NRG3: variants seen among roughly 807,000 people sequenced by gnomAD.
The protein encoded by NRG3 is pro-neuregulin-3, membrane-bound isoform.
Under a neutral mutation model 66.9 loss-of-function variants are expected in NRG3, and 31 were observed. That is an observed-to-expected ratio of 0.46 (90% CI 0.35 to 0.63). The LOEUF (loss-of-function observed/expected upper bound fraction) is 0.63. NRG3 is among the 20% of genes least tolerant of loss of function. NRG3 has a pLI of 0.00. For missense variants in NRG3, 910 were observed against 878.9 expected, an observed-to-expected ratio of 1.04 and a Z score of -0.45; for synonymous variants, 393 against 359.4, an observed-to-expected ratio of 1.09 and a Z score of -1.06.
chr10:82,023,836 G>C (rs1035146761), intron 1 of NRG3, among the ~76,000 whole-genome samples: 8 of 151,990 alleles, frequency 5.3e-5, no homozygotes, highest in African/African-American at 1.7e-4. Flanking sequence ...TCTGTGTCTG[G>C]TTTTGGTATC....
intron 3 of NRG3, among the ~76,000 whole-genome samples, chr10:82,761,952 CTTT>C (rs2059334967): frequency 8.1e-6 from 1 of 123,876 alleles, no homozygotes; most frequent in African/African-American, 2.9e-5. Context: ...TTCTTTCTTT[CTTT>C]CTTTCTTTCT....
intron 1 of NRG3, among the ~76,000 whole-genome samples, chr10:82,126,237 A>G (rs1320733130): frequency 1.3e-5 from 2 of 152,140 alleles, no homozygotes; most frequent in African/African-American, 2.4e-5. Flanking sequence ...TAAGGTTGTT[A>G]TTACCACTTA....
Position 82,845,583 on chromosome 10 carries a change from A to C in NRG3, c.1028-19828A>C, listed in dbSNP as rs142607232. Among the ~76,000 whole-genome samples the C allele has an allele frequency of 3.4e-3, 523 of 152,340 alleles. 2 individuals carry two copies. The highest frequency in any genetic ancestry group is 4.5e-3 in the Non-Finnish European group (305 of 68,028). On this transcript the variant is annotated intron_variant, in intron 3 of 8. Transcript: ENST00000372141. ...AAAAATCTTTATAGGAGAAAGACAGAAGTTGTGGGAAATGGATAAACTGGA... is the reference window on the plus strand; with the variant it reads ...AAAAATCTTTATAGGAGAAAGACAGCAGTTGTGGGAAATGGATAAACTGGA...
At chr10:81,890,567 A>T (rs1310712446) in intron 1 of NRG3, among the ~76,000 whole-genome samples, 2 of 152,332 alleles carry the variant, frequency 1.3e-5, no homozygotes, top group East Asian at 3.9e-4. Context: ...ATAAATACAT[A>T]GTGAACATAT....
intron 2 of NRG3, among the ~76,000 whole-genome samples, chr10:82,653,747 T>G (rs2133909334): frequency 6.6e-6 from 1 of 151,188 alleles, no homozygotes; most frequent in Non-Finnish European, 1.5e-5. Context: ...GGAAGGGCAA[T>G]GGTTTGGAAT....
chr10:82,227,865 G>C (rs147510218), intron 1 of NRG3, among the ~76,000 whole-genome samples: 4 of 151,992 alleles, frequency 2.6e-5, no homozygotes, highest in South Asian at 2.1e-4. Context: ...TTCCCCCAAG[G>C]CTCTGGTGTT....
chr10:82,169,396 A>C (rs1333468236), intron 1 of NRG3, among the ~76,000 whole-genome samples: 1 of 151,146 alleles, frequency 6.6e-6, no homozygotes, highest in Non-Finnish European at 1.5e-5. Flanking sequence ...ATATTTCAGA[A>C]TTCTATACTC....
At chr10:82,430,807 C>T (rs764027846) in intron 2 of NRG3, among the ~76,000 whole-genome samples, 4 of 152,092 alleles carry the variant, frequency 2.6e-5, no homozygotes, top group Non-Finnish European at 4.4e-5. Flanking sequence ...TCAATCACTT[C>T]AATCAATATG....
At chr10:82,519,034 T>C (rs1010342448) in intron 2 of NRG3, among the ~76,000 whole-genome samples, 10 of 152,202 alleles carry the variant, frequency 6.6e-5, no homozygotes, top group African/African-American at 2.4e-4. Context: ...GCAGCTACAA[T>C]GTGATCTCAA....
chr10:82,880,566 A>G (rs1842216688), intron 4 of NRG3, among the ~76,000 whole-genome samples: 2 of 152,162 alleles, frequency 1.3e-5, no homozygotes, highest in Admixed American at 1.3e-4. Context: ...CTTCCCTAGG[A>G]GCATAATATA....
At chr10:82,250,571 A>G (rs950800423) in intron 1 of NRG3, among the ~76,000 whole-genome samples, 5 of 152,276 alleles carry the variant, frequency 3.3e-5, no homozygotes, top group African/African-American at 1.2e-4. Context: ...TTGGGCAACA[A>G]GAGCGAAACT....
intron 3 of NRG3, among the ~76,000 whole-genome samples, chr10:82,850,137 G>A (rs1215532707): frequency 1.3e-5 from 2 of 152,168 alleles, no homozygotes; most frequent in East Asian, 1.9e-4. Flanking sequence ...GCTTGACAGA[G>A]GAATGGAGAC....
intron 2 of NRG3, among the ~76,000 whole-genome samples, chr10:82,510,991 G>C (rs1845115635): frequency 6.6e-6 from 1 of 152,184 alleles, no homozygotes; most frequent in African/African-American, 2.4e-5. Context: ...ATATAAGTAG[G>C]AGCAAGTCTC....
intron 3 of NRG3, among the ~76,000 whole-genome samples, chr10:82,860,224 T>G (rs2064047687): frequency 6.6e-6 from 1 of 152,176 alleles, no homozygotes. Context: ...GTTGTCTTCC[T>G]TTGTCTGCCC....
At chr10:82,272,677 A>C (rs1241337593) in intron 1 of NRG3, among the ~76,000 whole-genome samples, 1 of 152,040 alleles carries the variant, frequency 6.6e-6, no homozygotes, top group African/African-American at 2.4e-5. Flanking sequence ...AATATATTCC[A>C]TGACATATTC....
chr10:82,707,846 TAAAAAAAAAAA>T (rs373670610), intron 2 of NRG3, among the ~76,000 whole-genome samples: 9 of 82,650 alleles, frequency 1.1e-4, no homozygotes, highest in African/African-American at 3.5e-4. Flanking sequence ...TCATCTCTAC[TAAAAAAAAAAA>T]AAAAAAAAAA....
At chr10:82,486,973 G>T (rs1842735211) in intron 2 of NRG3, among the ~76,000 whole-genome samples, 1 of 151,732 alleles carries the variant, frequency 6.6e-6, no homozygotes, top group Admixed American at 6.6e-5. Flanking sequence ...AAGTTATAAA[G>T]ATCTTCTGTA....
chr10:82,939,754 C>A (rs1266902131), intron 4 of NRG3, among the ~76,000 whole-genome samples: 1 of 151,978 alleles, frequency 6.6e-6, no homozygotes, highest in Non-Finnish European at 1.5e-5. Flanking sequence ...CGGGTGTGAG[C>A]CACGGCGCCC....
chr10:82,930,410 G>C (rs1847451911), intron 4 of NRG3, among the ~76,000 whole-genome samples: 1 of 152,154 alleles, frequency 6.6e-6, no homozygotes, highest in Non-Finnish European at 1.5e-5. Flanking sequence ...CAGGGATAAC[G>C]ATAAACTTCA....
Sources: gnomAD v4.1 joint callset for allele counts (sites outside exome capture counted in the v4.1 genomes callset) on GRCh38, gnomAD v4.1.1 for gene constraint, MANE v1.5 for transcripts, NCBI Gene and HGNC (gene_info 2026-07-23, HGNC 2026-07-21) for gene names.